The following TNPO1 variants were observed in gnomAD, a reference collection of about 807,000 sequenced individuals.
The protein encoded by TNPO1 is transportin 1, also known as transportin-1.
Under a neutral mutation model 119.5 loss-of-function variants are expected in TNPO1, and 8 were observed. The ratio of observed to expected loss-of-function variants is 0.07; its 90% CI spans 0.04 to 0.12. TNPO1 has a LOEUF of 0.12. Ranked by LOEUF, TNPO1 falls within the 10% of genes least tolerant of loss-of-function variation. TNPO1 has a pLI of 1.00. For missense variants in TNPO1, 576 were observed against 1,089.8 expected, an observed-to-expected ratio of 0.53 and a Z score of 6.64; for synonymous variants, 362 against 363.0, an observed-to-expected ratio of 1.00 and a Z score of 0.03.
intron 1 of TNPO1, among the ~76,000 whole-genome samples, chr5:72,845,540 AC>A (rs1436229410): frequency 3.9e-5 from 6 of 152,326 alleles, no homozygotes; most frequent in Admixed American, 3.9e-4. Context: ...AGATTTTATC[AC>A]ACTTTTTAAA....
Position 72,859,415 on chromosome 5 carries a change from G to T in TNPO1, c.356-2393G>T, listed in dbSNP as rs577100294. The stretch of plus-strand genomic sequence containing the variant: ...GGAGTGCCTGACTGAGCTCCTTGAG[G>T]GAAAGGACCATGTGTTATTTTTGTA... On this transcript the variant is annotated intron_variant, in intron 4 of 24. Coordinates refer to ENST00000337273, the MANE Select transcript of TNPO1 (RefSeq NM_002270.4). Among the ~76,000 whole-genome samples the T allele has an allele frequency of 2.6e-4, 39 of 152,188 alleles. 1 individual carries two copies. The South Asian group carries it at 7.0e-3, about 28-fold the overall frequency.
chr5:72,873,237 A>G (rs1422362806), intron 7 of TNPO1, among the ~76,000 whole-genome samples: 2 of 152,086 alleles, frequency 1.3e-5, no homozygotes, highest in African/African-American at 4.8e-5. Context: ...AAAGAGCATA[A>G]TTTTCTGGCC....
chr5:72,865,093 C>A (rs961172806), intron 5 of TNPO1, among the ~76,000 whole-genome samples: 5 of 151,858 alleles, frequency 3.3e-5, no homozygotes, highest in Non-Finnish European at 5.9e-5. Context: ...TAAAATATAC[C>A]CTTGTATTTT....
chr5:72,824,616 A>G (rs1744122784), intron 1 of TNPO1, among the ~76,000 whole-genome samples: 1 of 152,118 alleles, frequency 6.6e-6, no homozygotes, highest in Non-Finnish European at 1.5e-5. Context: ...CTGCTGTCTC[A>G]GTGCTGGTCC....
chr5:72,870,093 C>T (rs573446640), intron 6 of TNPO1, among the ~76,000 whole-genome samples: 17 of 147,350 alleles, frequency 1.2e-4, no homozygotes, highest in Non-Finnish European at 2.1e-4. Flanking sequence ...TTGGAATTTA[C>T]GTTGGAATAA....
intron 4 of TNPO1, among the ~76,000 whole-genome samples, chr5:72,856,126 G>A (rs556211810): frequency 6.6e-6 from 1 of 152,346 alleles, no homozygotes; most frequent in East Asian, 1.9e-4. Flanking sequence ...TGGATAAGAG[G>A]AGAGCCTGAT....
intron 2 of TNPO1, among the ~76,000 whole-genome samples, chr5:72,850,183 A>T (rs149469190): frequency 1.3e-5 from 2 of 152,216 alleles, no homozygotes; most frequent in Non-Finnish European, 2.9e-5. Context: ...GCTTTTGAGT[A>T]CTTTTTGAAA....
rs745756099 is a variant in TNPO1 at position 72,914,386 on chromosome 5, A to G, written c.*5713A>G. On this transcript the variant is annotated 3_prime_UTR_variant, in exon 25 of 25. Transcript: ENST00000337273. ...ACTATGTTAATAAAGTTGTTTAACT[A>G]TAGATGTTGCACTCTGATTTTTAAT... 1.3e-5 allele frequency: 2 copies of G among 152,648 alleles called. No homozygotes were observed. Among genetic ancestry groups the G allele is most frequent in the Admixed American group, 6.5e-5 (1 of 15,284 alleles). 9.5% of individuals were successfully genotyped at this position (152,648 alleles called of 1,614,324 possible).
At chr5:72,851,895 A>G (rs887057808) in intron 3 of TNPO1, among the ~76,000 whole-genome samples, 3 of 152,246 alleles carry the variant, frequency 2.0e-5, no homozygotes, top group Non-Finnish European at 4.4e-5. Context: ...TTTCATGCAT[A>G]TAGATGGATA....
At chr5:72,848,278 G>T in intron 1 of TNPO1, 107 bp from the exon 2 acceptor site, 1 of 1,337,834 alleles carries the variant, frequency 7.5e-7, no homozygotes, top group South Asian at 1.8e-5. Flanking sequence ...GAGCGCTGGG[G>T]TTGTGGTGGC....
chr5:72,852,427 G>T (rs895116189), intron 3 of TNPO1, among the ~76,000 whole-genome samples: 5 of 152,160 alleles, frequency 3.3e-5, no homozygotes, highest in Admixed American at 1.3e-4. Context: ...AGTGAGAGTT[G>T]TTTCTCATAG....
At chr5:72,843,806 A>AT (rs1745015845) in intron 1 of TNPO1, among the ~76,000 whole-genome samples, 1 of 152,178 alleles carries the variant, frequency 6.6e-6, no homozygotes, top group Non-Finnish European at 1.5e-5. Context: ...AAAAATTTTA[A>AT]TTGAACCAGA....
At position 72,848,509 on chromosome 5, in the gene TNPO1, C is replaced by T. The variant is rs1346332703; in HGVS notation, c.129+11C>T. 2.0e-6 allele frequency: 3 copies of T among 1,523,444 alleles called. No homozygotes were observed. Among genetic ancestry groups the T allele is most frequent in the African/African-American group, 2.8e-5 (2 of 70,224 alleles). The allele number at this position is 1,523,444 out of a possible 1,614,324, so 94.4% of individuals were successfully genotyped here. On this transcript the variant is annotated intron_variant, in intron 2 of 24. Transcript: ENST00000337273. ...AGAACCGTGCAACAAGTATCCTTTCCGAGGCCTGGCCGCCACCCGCGCAGC... is the reference window on the plus strand; with the variant it reads ...AGAACCGTGCAACAAGTATCCTTTCTGAGGCCTGGCCGCCACCCGCGCAGC...
intron 5 of TNPO1, among the ~76,000 whole-genome samples, chr5:72,864,025 T>G (rs747749403): frequency 6.6e-5 from 10 of 152,180 alleles, no homozygotes; most frequent in Non-Finnish European, 1.3e-4. Flanking sequence ...TTTCCAGATG[T>G]TGGTATGGAG....
At chr5:72,855,346 GTA>G (rs1745909645) in intron 3 of TNPO1, among the ~76,000 whole-genome samples, 2 of 151,982 alleles carry the variant, frequency 1.3e-5, no homozygotes, top group African/African-American at 4.8e-5. Flanking sequence ...ATAATGATGT[GTA>G]TATCAGGAAA....
chr5:72,877,467 A>C (rs1747882114), intron 9 of TNPO1, 121 bp downstream of exon 9: 2 of 529,410 alleles, frequency 3.8e-6, no homozygotes, highest in South Asian at 8.2e-5. Flanking sequence ...AAGAAGCCAG[A>C]CTTAATTTTA....
chr5:72,832,960 G>T (rs980975220), intron 1 of TNPO1, among the ~76,000 whole-genome samples: 1 of 152,140 alleles, frequency 6.6e-6, no homozygotes, highest in Non-Finnish European at 1.5e-5. Context: ...TCAGCTCTCA[G>T]ATTTACATTG....
intron 1 of TNPO1, among the ~76,000 whole-genome samples, chr5:72,823,934 A>G (rs763952722): frequency 1.5e-4 from 23 of 152,192 alleles, no homozygotes; most frequent in Middle Eastern, 3.4e-3. Flanking sequence ...CAAACCTTCT[A>G]TATCTCTTTT....
chr5:72,821,030 A>G (rs1354258608), intron 1 of TNPO1, among the ~76,000 whole-genome samples: 1 of 152,192 alleles, frequency 6.6e-6, no homozygotes, highest in Non-Finnish European at 1.5e-5. Context: ...AAGAGAAATG[A>G]AAAGGCCCGT....
Sources: gnomAD v4.1 joint callset for allele counts (sites outside exome capture counted in the v4.1 genomes callset) on GRCh38, gnomAD v4.1.1 for gene constraint, MANE v1.5 for transcripts, NCBI Gene and HGNC (gene_info 2026-07-23, HGNC 2026-07-21) for gene names.